The following SEC23IP variants were observed in gnomAD, a reference collection of about 807,000 sequenced individuals.
SEC23IP encodes the protein SEC23 interacting protein.
SEC23IP carries 70 observed loss-of-function variants against 113.4 expected under a neutral mutation model. That is an observed-to-expected ratio of 0.62 (90% CI 0.51 to 0.75). The LOEUF (loss-of-function observed/expected upper bound fraction) is 0.75, where lower values mean the gene tolerates loss of function less well. Ranked by LOEUF, SEC23IP falls within the 30% of genes least tolerant of loss-of-function variation. The pLI, the probability that SEC23IP is intolerant of heterozygous loss-of-function variation, is 0.00. For synonymous variants in SEC23IP, 398 were observed against 421.0 expected, an observed-to-expected ratio of 0.95 and a Z score of 0.67; for missense variants, 1,160 against 1,204.9, an observed-to-expected ratio of 0.96 and a Z score of 0.55.
chr10:119,915,877 C>T lies in SEC23IP; in HGVS notation c.1532C>T (p.Thr511Ile). Residue 511 changes from threonine (T) to isoleucine (I), a missense_variant, in exon 8 of 19, where the codon ACA becomes ATA. Coordinates refer to ENST00000369075, the MANE Select transcript of SEC23IP (RefSeq NM_007190.4). ...HWHSSLGGDA[T>I]GVDRNIKKIT... ...CATAGTTCTTTGGGTGGGGACGCCA[C>T]AGGTGTGGACAGGTTTGTGGATTTT... is the stretch of plus-strand genomic sequence containing the variant. The T allele has an allele frequency of 6.5e-7, 1 of 1,539,330 alleles. No homozygotes were observed. The highest frequency in any genetic ancestry group is 8.8e-7 in the Non-Finnish European group (1 of 1,141,332).
chr10:119,897,305 A>G (rs1256523961), intron 1 of SEC23IP, among the ~76,000 whole-genome samples: 1 of 152,280 alleles, frequency 6.6e-6, no homozygotes, highest in East Asian at 1.9e-4. Flanking sequence ...TTGAGGTGAT[A>G]TACAGGGAAG....
At chr10:119,939,830 G>A (rs1855907821) in intron 18 of SEC23IP, among the ~76,000 whole-genome samples, 1 of 152,002 alleles carries the variant, frequency 6.6e-6, no homozygotes, top group African/African-American at 2.4e-5. Context: ...CGAGAGGCTG[G>A]GACCACAGGT....
At chr10:119,914,456 C>T in intron 6 of SEC23IP, 1 of 414,198 alleles carries the variant, frequency 2.4e-6, no homozygotes, top group Non-Finnish European at 4.5e-6. Context: ...GTGGAGCCTC[C>T]ATAGATACAA....
At chr10:119,932,495 C>G (rs1855638743) in intron 16 of SEC23IP, among the ~76,000 whole-genome samples, 177 bp downstream of exon 16, 1 of 152,134 alleles carries the variant, frequency 6.6e-6, no homozygotes, top group Non-Finnish European at 1.5e-5. Context: ...AAAATCCATG[C>G]CATCTTTTTT....
intron 8 of SEC23IP, among the ~76,000 whole-genome samples, chr10:119,917,626 A>G (rs1855096115): frequency 1.3e-5 from 2 of 152,026 alleles, no homozygotes; most frequent in African/African-American, 4.8e-5. Context: ...TGATCCACCC[A>G]CTTCAGCCTC....
chr10:119,933,660 A>C (rs371158633), intron 17 of SEC23IP, 26 bp from the exon 18 acceptor site: 1 of 1,266,102 alleles, frequency 7.9e-7, no homozygotes, highest in Non-Finnish European at 1.2e-6. Flanking sequence ...TTGTCTCTTA[A>C]GTAAATATGC....
chr10:119,907,619 A>T (rs1854719799), intron 4 of SEC23IP, among the ~76,000 whole-genome samples: 1 of 152,122 alleles, frequency 6.6e-6, no homozygotes, highest in Non-Finnish European at 1.5e-5. Flanking sequence ...TGCAGATTCA[A>T]CCAAATACTC....
At chr10:119,925,128 G>A (rs954232341) in intron 12 of SEC23IP, among the ~76,000 whole-genome samples, 12 of 152,164 alleles carry the variant, frequency 7.9e-5, no homozygotes, top group African/African-American at 2.9e-4. Context: ...GTATGCACTT[G>A]TGTCGTCACT....
At chr10:119,899,951 C>T (rs184638835) in intron 2 of SEC23IP, among the ~76,000 whole-genome samples, 232 of 152,020 alleles carry the variant, frequency 1.5e-3, no homozygotes, top group African/African-American at 5.4e-3. Context: ...ATGTGCACAC[C>T]CTGGCATATG....
chr10:119,920,470 G>A (rs1855215963), intron 11 of SEC23IP, among the ~76,000 whole-genome samples: 1 of 152,172 alleles, frequency 6.6e-6, no homozygotes, highest in Non-Finnish European at 1.5e-5. Context: ...CATGAAGAGA[G>A]CAGAGTTCAT....
At chr10:119,917,021 G>A (rs909678505) in intron 8 of SEC23IP, among the ~76,000 whole-genome samples, 7 of 151,758 alleles carry the variant, frequency 4.6e-5, no homozygotes, top group South Asian at 2.1e-4. Context: ...GGTGCAAGCC[G>A]CCATGCCTGG....
chr10:119,935,947 A>G (rs561524471), intron 18 of SEC23IP, among the ~76,000 whole-genome samples: 20 of 152,342 alleles, frequency 1.3e-4, no homozygotes, highest in Non-Finnish European at 2.4e-4. Flanking sequence ...CGTTCTTTTT[A>G]GGTATTCCAT....
intron 4 of SEC23IP, among the ~76,000 whole-genome samples, chr10:119,905,910 T>C (rs1485926245): frequency 1.3e-5 from 2 of 151,906 alleles, no homozygotes; most frequent in African/African-American, 2.4e-5. Context: ...CTACAGGCAA[T>C]GTAGGAAAAA....
At chr10:119,917,586 C>T (rs1855094901) in intron 8 of SEC23IP, among the ~76,000 whole-genome samples, 1 of 151,964 alleles carries the variant, frequency 6.6e-6, no homozygotes, top group African/African-American at 2.4e-5. Flanking sequence ...GCCATGTTGG[C>T]CTGGTTGGTC....
chr10:119,903,574 T>G (rs558840164), intron 3 of SEC23IP, among the ~76,000 whole-genome samples: 2 of 152,342 alleles, frequency 1.3e-5, no homozygotes, highest in Non-Finnish European at 2.9e-5. Context: ...TTGAATTATG[T>G]TTTTAAAGTT....
rs112497021 is a variant in SEC23IP at position 119,898,679 on chromosome 10, A to G, written c.416A>G (p.Lys139Arg). 6.2e-7 allele frequency: 1 copy of G among 1,614,198 alleles called. No individual in the cohort carries two copies. The highest frequency in any genetic ancestry group is 1.1e-5 in the South Asian group (1 of 91,082). Residue 139 changes from lysine (K) to arginine (R), a missense_variant, in exon 2 of 19, where the codon AAG becomes AGG. Lys to Arg is a conservative substitution (Grantham distance 26). Coordinates refer to ENST00000369075, the MANE Select transcript of SEC23IP (RefSeq NM_007190.4). ...AATGCATTTTCACCATCCATTTCGA[A>G]GGCTCAACCTGGTGCTCCACCTTCC... is the stretch of plus-strand genomic sequence containing the variant. ...VSNAFSPSIS[K>R]AQPGAPPSSL...
At chr10:119,904,326 T>C (rs745510988) in intron 4 of SEC23IP, 49 bp downstream of exon 4, 9 of 1,484,922 alleles carry the variant, frequency 6.1e-6, no homozygotes, top group Non-Finnish European at 8.5e-6. Flanking sequence ...ATGTAGGTCC[T>C]ATATACATTG....
At chr10:119,940,024 CT>C (rs1311891786) in intron 18 of SEC23IP, among the ~76,000 whole-genome samples, 2 of 151,728 alleles carry the variant, frequency 1.3e-5, no homozygotes. Context: ...GTGTCTTTTA[CT>C]CTCTGTACTG....
chr10:119,942,805 G>A lies in SEC23IP; in HGVS notation c.*2240G>A, dbSNP rs1310604748. 5 of 152,302 alleles carry A rather than the reference G, an allele frequency of 3.3e-5. No individual in the cohort carries two copies. The highest frequency in any genetic ancestry group is 6.8e-3 in the Middle Eastern group (2 of 294). 9.4% of individuals were successfully genotyped at this position (152,302 alleles called of 1,614,324 possible). On this transcript the variant is annotated 3_prime_UTR_variant, in exon 19 of 19. Transcript: ENST00000369075. ...TGCTTTCTAAGTCTGCTGGACACGC[G>A]TGCTTCTTGAATCCAACCAGACAAG... is the stretch of plus-strand genomic sequence containing the variant.
Sources: gnomAD v4.1 joint callset for allele counts (sites outside exome capture counted in the v4.1 genomes callset) on GRCh38, gnomAD v4.1.1 for gene constraint, MANE v1.5 for transcripts, NCBI Gene and HGNC (gene_info 2026-07-23, HGNC 2026-07-21) for gene names.